Variants in CCSER1 observed in about 807,000 individuals in gnomAD.
CCSER1 encodes coiled-coil serine rich protein 1, also known as serine-rich coiled-coil domain-containing protein 1.
Under a neutral mutation model 82.0 loss-of-function variants are expected in CCSER1, and 41 were observed. That is an observed-to-expected ratio of 0.50 (90% CI 0.39 to 0.65). The LOEUF is 0.65. Among genes scored for constraint, CCSER1 ranks in the 30% least tolerant of loss-of-function variants. The pLI, the probability that CCSER1 is intolerant of heterozygous loss-of-function variation, is 0.00. For missense variants in CCSER1, 1,119 were observed against 1,064.2 expected (o/e 1.05, Z -0.72); for synonymous variants, 414 against 383.9 (o/e 1.08, Z -0.92).
At chr4:90,854,623 C>G (rs1217628738) in intron 8 of CCSER1, among the ~76,000 whole-genome samples, 1 of 152,138 alleles carries the variant, frequency 6.6e-6, no homozygotes, top group Non-Finnish European at 1.5e-5. Flanking sequence ...TCCAAGACCT[C>G]TATCATTTGA....
chr4:91,330,145 A>G (rs1480063328), intron 10 of CCSER1, among the ~76,000 whole-genome samples: 1 of 152,146 alleles, frequency 6.6e-6, no homozygotes, highest in African/African-American at 2.4e-5. Flanking sequence ...TACTCCACGT[A>G]CAGGTTGATA....
intron 10 of CCSER1, among the ~76,000 whole-genome samples, chr4:91,359,132 T>C (rs1749078234): frequency 1.3e-5 from 2 of 151,874 alleles, no homozygotes; most frequent in Admixed American, 1.3e-4. Flanking sequence ...AGGGTCGTGA[T>C]TGATTTGAGC....
intron 9 of CCSER1, among the ~76,000 whole-genome samples, chr4:90,945,570 C>T (rs145995546): frequency 3.3e-5 from 5 of 152,020 alleles, no homozygotes; most frequent in East Asian, 1.9e-4. Context: ...TAAGAAAACC[C>T]GAATACAATA....
At chr4:90,742,306 T>C (rs1049130863) in intron 7 of CCSER1, among the ~76,000 whole-genome samples, 2 of 152,284 alleles carry the variant, frequency 1.3e-5, no homozygotes, top group East Asian at 1.9e-4. Context: ...TAAATAACCA[T>C]TGAATTTTAG....
rs549865482 is a variant in CCSER1, at chr4:90,957,462, T to C, written c.2172+34015T>C. ...GAACAGCAATTTCATGGTATATAAA[T>C]AATATATACATAATTTATATTATAA... On this transcript the variant is annotated intron_variant, in intron 9 of 10. Coordinates refer to ENST00000509176, the MANE Select transcript of CCSER1 (RefSeq NM_001145065.2). Among the ~76,000 whole-genome samples, 26 of 140,956 alleles carry C rather than the reference T, an allele frequency of 1.8e-4. No individual in the cohort carries two copies. The East Asian group carries it at 5.1e-3, about 28-fold the overall frequency. The allele number at this position is 140,956 out of a possible 152,430, so 92.5% of individuals were successfully genotyped here.
At chr4:90,841,556 C>T (rs1184421249) in intron 8 of CCSER1, among the ~76,000 whole-genome samples, 12 of 130,924 alleles carry the variant, frequency 9.2e-5, no homozygotes, top group African/African-American at 3.2e-4. Flanking sequence ...CCAGCCTGGG[C>T]GACAGACCGA....
At chr4:91,390,541 TG>T (rs559954224) in intron 10 of CCSER1, among the ~76,000 whole-genome samples, 159 of 151,940 alleles carry the variant, frequency 1.0e-3, no homozygotes, top group Non-Finnish European at 2.0e-3. Context: ...TAGGGTAAAA[TG>T]CTGATCTCAT....
intron 10 of CCSER1, among the ~76,000 whole-genome samples, chr4:91,573,266 A>G (rs1016802478): frequency 2.0e-5 from 3 of 152,224 alleles, no homozygotes; most frequent in Non-Finnish European, 2.9e-5. Context: ...GGGAGATACA[A>G]TGCTGCCATT....
At chr4:91,420,686 G>A (rs1753639490) in intron 10 of CCSER1, among the ~76,000 whole-genome samples, 1 of 152,072 alleles carries the variant, frequency 6.6e-6, no homozygotes, top group Non-Finnish European at 1.5e-5. Context: ...TCTACTTCTG[G>A]TTATATGTCC....
intron 8 of CCSER1, among the ~76,000 whole-genome samples, chr4:90,874,702 C>T (rs370280936): frequency 6.6e-6 from 1 of 152,136 alleles, no homozygotes; most frequent in Non-Finnish European, 1.5e-5. Flanking sequence ...CCCTTGTTTT[C>T]TTCTCCTTGC....
intron 1 of CCSER1, among the ~76,000 whole-genome samples, chr4:90,135,656 T>G (rs943454084): frequency 6.6e-6 from 1 of 152,248 alleles, no homozygotes; most frequent in Non-Finnish European, 1.5e-5. Context: ...TAAACGACAG[T>G]GCAGTTGTAG....
At chr4:90,208,528 G>A (rs1739354055) in intron 1 of CCSER1, among the ~76,000 whole-genome samples, 2 of 151,728 alleles carry the variant, frequency 1.3e-5, no homozygotes, top group Non-Finnish European at 2.9e-5. Context: ...TGTCTCGGTG[G>A]CATTCCAGGC....
chr4:91,471,382 G>A (rs1020399655), intron 10 of CCSER1, among the ~76,000 whole-genome samples: 14 of 151,946 alleles, frequency 9.2e-5, no homozygotes, highest in African/African-American at 3.1e-4. Context: ...CCCAGACTGT[G>A]TGCACAGATG....
intron 1 of CCSER1, among the ~76,000 whole-genome samples, chr4:90,177,722 C>G (rs1732965054): frequency 6.6e-6 from 1 of 152,106 alleles, no homozygotes; most frequent in Non-Finnish European, 1.5e-5. Context: ...CTTCACAAGA[C>G]TAGCTCTTTC....
chr4:90,583,941 G>T (rs1010938570), intron 5 of CCSER1, among the ~76,000 whole-genome samples: 2 of 151,484 alleles, frequency 1.3e-5, no homozygotes, highest in Non-Finnish European at 2.9e-5. Flanking sequence ...TCTTATTAAT[G>T]TCCAATAATA....
chr4:90,689,309 G>T (rs1437206005), intron 6 of CCSER1, among the ~76,000 whole-genome samples: 1 of 152,058 alleles, frequency 6.6e-6, no homozygotes, highest in Non-Finnish European at 1.5e-5. Flanking sequence ...GCATTCAGTA[G>T]GTCAAAGTCT....
intron 1 of CCSER1, among the ~76,000 whole-genome samples, chr4:90,195,333 A>G (rs1340630488): frequency 6.6e-6 from 1 of 152,040 alleles, no homozygotes; most frequent in Non-Finnish European, 1.5e-5. Flanking sequence ...GCATATTACT[A>G]AGTGAAAAAA....
intron 1 of CCSER1, among the ~76,000 whole-genome samples, chr4:90,235,720 A>G (rs917429683): frequency 1.3e-5 from 2 of 152,126 alleles, no homozygotes; most frequent in African/African-American, 4.8e-5. Flanking sequence ...AAAAAATACT[A>G]GAGTTCAAAA....
intron 9 of CCSER1, among the ~76,000 whole-genome samples, chr4:91,068,023 C>T (rs778056705): frequency 5.3e-5 from 8 of 152,172 alleles, no homozygotes; most frequent in Non-Finnish European, 1.0e-4. Flanking sequence ...TAATTAGCTT[C>T]TCCTTACTAT....
Sources: gnomAD v4.1 joint callset for allele counts (sites outside exome capture counted in the v4.1 genomes callset) on GRCh38, gnomAD v4.1.1 for gene constraint, MANE v1.5 for transcripts, NCBI Gene and HGNC (gene_info 2026-07-23, HGNC 2026-07-21) for gene names.